SMTNL2: variants seen among roughly 807,000 people sequenced by gnomAD.
SMTNL2 encodes the protein smoothelin like 2, also known as smoothelin-like protein 2.
SMTNL2 carries 43 observed loss-of-function variants against 44.1 expected under a neutral mutation model. The observed-to-expected ratio is 0.98, with a 90% confidence interval of 0.76 to 1.26. The LOEUF (loss-of-function observed/expected upper bound fraction) is 1.26. Ranked by LOEUF, SMTNL2 falls within the 50% of genes most tolerant of loss-of-function variation. The probability of loss-of-function intolerance (pLI) is 0.00; values close to 1 mark genes in which losing one functional copy is unlikely to be tolerated. For missense variants in SMTNL2, 646 were observed against 670.2 expected (o/e 0.96, Z 0.40); for synonymous variants, 317 against 287.6 (o/e 1.10, Z -1.03).
chr17:4,600,966 A>G lies in SMTNL2; in HGVS notation c.1259+3643A>G, dbSNP rs1190510276. Among the ~76,000 whole-genome samples the G allele has an allele frequency of 6.6e-6, 1 of 152,208 alleles. No individual in the cohort carries two copies. The highest frequency in any genetic ancestry group is 1.5e-5 in the Non-Finnish European group (1 of 68,030). On this transcript the variant is annotated intron_variant, in intron 7 of 7. Transcript: ENST00000389313. This position sits in a 1 kb window ranked among gnomAD's most constrained non-coding sequence, Gnocchi z 4.7. ...GCATTTAGAGCAGGCTTAAAAAAAT[A>G]AAAATAACCCCCAAGCCCATCCTCC...
rs916256130 is a variant in SMTNL2 at position 4,600,793 on chromosome 17, C to G, written c.1259+3470C>G. On this transcript the variant is annotated intron_variant, in intron 7 of 7. Transcript: ENST00000389313. This position sits in a 1 kb window ranked among gnomAD's most constrained non-coding sequence, Gnocchi z 4.7. ...AGAGGCCCAGTGCAGGACGTGCAGC[C>G]CCAGGCTTCCCGCTTGCCCTGCGGG... Among the ~76,000 whole-genome samples, 4 of 152,176 alleles carry G rather than the reference C, an allele frequency of 2.6e-5. No homozygotes were observed. Among genetic ancestry groups the G allele is most frequent in the Admixed American group, 2.6e-4 (4 of 15,268 alleles).
chr17:4,585,046 G>T, intron 1 of SMTNL2, 42 bp downstream of exon 1: 1 of 1,295,150 alleles, frequency 7.7e-7, no homozygotes, highest in Non-Finnish European at 9.8e-7. Context: ...AGGGAGTGGG[G>T]CTCCGAACCG....
chr17:4,591,093 C>T (rs936688019), intron 1 of SMTNL2, among the ~76,000 whole-genome samples: 13 of 152,214 alleles, frequency 8.5e-5, no homozygotes, highest in Admixed American at 3.9e-4. Flanking sequence ...GAGAAGCCCT[C>T]CTTGCCCCAC....
rs372071316 is a variant in SMTNL2 at position 4,597,161 on chromosome 17, C to G, written c.1108-11C>G. ...TGCCCTCCCGCACTGACCCCACTCACCCTGTTGCAGCACGTGGACCTGCAG... is the reference window on the plus strand; with the variant it reads ...TGCCCTCCCGCACTGACCCCACTCAGCCTGTTGCAGCACGTGGACCTGCAG... On this transcript the variant is annotated splice_polypyrimidine_tract_variant and intron_variant, in intron 6 of 7. Coordinates refer to ENST00000389313, the MANE Select transcript of SMTNL2 (RefSeq NM_001114974.2). 37 of 1,611,840 alleles carry G rather than the reference C, an allele frequency of 2.3e-5. No homozygotes were observed. Among genetic ancestry groups the G allele is most frequent in the Non-Finnish European group, 2.9e-5 (34 of 1,179,078 alleles).
chr17:4,594,265 A>C (rs1170482807), intron 4 of SMTNL2, among the ~76,000 whole-genome samples: 1 of 152,130 alleles, frequency 6.6e-6, no homozygotes, highest in Non-Finnish European at 1.5e-5. Flanking sequence ...ACTGGCCAAC[A>C]TGGCAAAACG....
In SMTNL2 at chr17:4,595,161, C is replaced by T; in HGVS notation, c.823C>T (p.Pro275Ser). ...KHSNSPPLVTPPQSPVSPQPP... is the reference protein window; with the variant it reads ...KHSNSPPLVTSPQSPVSPQPP... ...TTTCCTCAGCCCACCGCTGGTGACA[C>T]CACCCCAGTCGCCCGTGTCCCCGCA... Residue 275 changes from proline to serine, a missense_variant, in exon 5 of 8, where the codon CCA (proline) becomes TCA (serine). Transcript: ENST00000389313. This position sits in a 1 kb window ranked among gnomAD's most constrained non-coding sequence, Gnocchi z 5.1. The T allele has an allele frequency of 6.2e-7, 1 of 1,613,210 alleles. No individual in the cohort carries two copies. Among genetic ancestry groups the T allele is most frequent in the South Asian group, 1.1e-5 (1 of 91,088 alleles).
chr17:4,584,992 C>A lies in SMTNL2; in HGVS notation c.387C>A (p.Ser129=). Residue 129 remains serine (S), a synonymous_variant, in exon 1 of 8, where the codon TCC becomes TCA. Transcript: ENST00000389313. ...CCAGCCACGCCACCTTCTCGCTGTC[C>A]GGCCGCGGCCAGGTGAGCCCGGGGG... ...RFASHATFSL[S]GRGQSLDHDE... The A allele has an allele frequency of 7.3e-7, 1 of 1,364,036 alleles. No individual in the cohort carries two copies. Among genetic ancestry groups the A allele is most frequent in the South Asian group, 1.7e-5 (1 of 59,462 alleles). The allele number at this position is 1,364,036 out of a possible 1,614,324, so 84.5% of individuals were successfully genotyped here.
At position 4,605,040 on chromosome 17, in the gene SMTNL2, C is replaced by T. The variant is rs889527480; in HGVS notation, c.1260-2321C>T. Reference sequence around the variant, plus strand: ...GCAATGGGAGGAGTCGGGGTTTGAACTCTACTGTTTTGATCTCACATTCAG... The same window carrying T: ...GCAATGGGAGGAGTCGGGGTTTGAATTCTACTGTTTTGATCTCACATTCAG... On this transcript the variant is annotated intron_variant, in intron 7 of 7. Transcript: ENST00000389313. 2.0e-5 allele frequency among the ~76,000 whole-genome samples: 3 copies of T among 151,880 alleles called. No homozygotes were observed. The South Asian group carries it at 6.2e-4, about 32-fold the overall frequency.
chr17:4,606,364 C>T (rs1286936720), intron 7 of SMTNL2, among the ~76,000 whole-genome samples: 17 of 151,780 alleles, frequency 1.1e-4, no homozygotes, highest in Non-Finnish European at 1.9e-4. Flanking sequence ...TCAGGTGACC[C>T]GCCTGCCTCG....
Position 4,601,476 on chromosome 17 carries a change from G to C in SMTNL2, c.1259+4153G>C, listed in dbSNP as rs548142708. Among the ~76,000 whole-genome samples the C allele has an allele frequency of 1.7e-3, 259 of 152,076 alleles. 2 individuals carry two copies. Among genetic ancestry groups the C allele is most frequent in the Middle Eastern group, 0.01 (3 of 294 alleles). On this transcript the variant is annotated intron_variant, in intron 7 of 7. Coordinates refer to ENST00000389313, the MANE Select transcript of SMTNL2 (RefSeq NM_001114974.2). Reference sequence around the variant, plus strand: ...TTCTTGCTATGGAATGGCATTTAAAGTGATTTTTACTTTCTCCTTTGAACT... The same window carrying C: ...TTCTTGCTATGGAATGGCATTTAAACTGATTTTTACTTTCTCCTTTGAACT...
In SMTNL2 at chr17:4,593,107, C is replaced by G. The variant is rs1240406430; in HGVS notation, c.666C>G (p.Ala222=). 7 of 1,613,656 alleles carry G rather than the reference C, an allele frequency of 4.3e-6. No individual in the cohort carries two copies. Among genetic ancestry groups the G allele is most frequent in the Non-Finnish European group, 5.1e-6 (6 of 1,179,888 alleles). Residue 222 remains alanine (A), a synonymous_variant, in exon 3 of 8, where the codon GCC becomes GCG. Transcript: ENST00000389313. ...SAAALSPMSA[A]TLGGLNPSPS... is the part of the protein sequence containing the mutation. ...CGGCTCTATCACCCATGTCTGCTGC[C>G]ACCCTGGGGGGCCTCAACCCAAGCC...
chr17:4,599,885 C>A (rs1340119889), intron 7 of SMTNL2, among the ~76,000 whole-genome samples: 1 of 152,218 alleles, frequency 6.6e-6, no homozygotes, highest in African/African-American at 2.4e-5. Context: ...CCGGAGCACA[C>A]AGCAGGGTAA....
chr17:4,606,701 T>C (rs1910292241), intron 7 of SMTNL2, among the ~76,000 whole-genome samples: 1 of 151,318 alleles, frequency 6.6e-6, no homozygotes, highest in African/African-American at 2.4e-5. Flanking sequence ...GGTCAGGAGA[T>C]CGAGACCAGC....
intron 7 of SMTNL2, 54 bp downstream of exon 7, chr17:4,597,377 A>C: frequency 1.9e-6 from 3 of 1,592,374 alleles, no homozygotes; most frequent in Non-Finnish European, 1.7e-6. Flanking sequence ...CCTGAGCCCA[A>C]CTTCTTCCCC....
rs141235426 is a variant in SMTNL2, at chr17:4,593,149, G to A, written c.708G>A (p.Thr236=). The A allele has an allele frequency of 1.7e-3, 2,763 of 1,607,964 alleles. 14 individuals are homozygous for A. Among genetic ancestry groups the A allele is most frequent in the Non-Finnish European group, 1.5e-3 (1,726 of 1,175,830 alleles). ...ACCCAAGCCCCAGCGAGGTCATCAC[G>A]CCCTGGACTCCCAGTCCTAGCGGTA... ...GLNPSPSEVI[T]PWTPSPSEKN... Residue 236 remains threonine (T), a synonymous_variant, in exon 3 of 8, where the codon ACG becomes ACA. Transcript: ENST00000389313.
chr17:4,607,463 C>T lies in SMTNL2; in HGVS notation c.1362C>T (p.Tyr454=). ...TCTTCACCTACGTCCAGTCGCTGTA[C>T]AACCACCTGCGTCGCTTCGAGTAAA... The part of the protein sequence containing the change: ...MCVFTYVQSL[Y]NHLRRFE The change falls in exon 8 of 8, where the codon TAC becomes TAT. Residue 454 remains tyrosine (Y), a synonymous_variant. Transcript: ENST00000389313. This position sits in a 1 kb window ranked among gnomAD's most constrained non-coding sequence, Gnocchi z 4.7. The T allele has an allele frequency of 6.2e-7, 1 of 1,614,202 alleles. No homozygotes were observed. Among genetic ancestry groups the T allele is most frequent in the Non-Finnish European group, 8.5e-7 (1 of 1,180,018 alleles).
intron 7 of SMTNL2, among the ~76,000 whole-genome samples, chr17:4,606,630 C>A (rs866210129): frequency 6.6e-6 from 1 of 151,172 alleles, no homozygotes; most frequent in African/African-American, 2.4e-5. Context: ...CTGGGCCGGG[C>A]GTGGTGTCTC....
intron 1 of SMTNL2, among the ~76,000 whole-genome samples, chr17:4,589,942 T>C (rs1909503946): frequency 6.6e-4 from 1 of 1,514 alleles, no homozygotes; most frequent in Non-Finnish European, 6.1e-3. Context: ...ACCTGGCTTT[T>C]TTTTTTTTTT....
In SMTNL2 at chr17:4,595,381, A is replaced by G; in HGVS notation, c.989+54A>G. 1 of 1,585,892 alleles carries G rather than the reference A, an allele frequency of 6.3e-7. No individual in the cohort carries two copies. Among genetic ancestry groups the G allele is most frequent in the Non-Finnish European group, 8.6e-7 (1 of 1,164,558 alleles). On this transcript the variant is annotated intron_variant, in intron 5 of 7. Coordinates refer to ENST00000389313, the MANE Select transcript of SMTNL2 (RefSeq NM_001114974.2). The surrounding 1 kb of genome is among the most constrained non-coding windows in gnomAD (Gnocchi z 5.1). ...GGCCCCACGGTGTGCCCAGACCCAG[A>G]CGGGGCTTGGGTGGGTGCAGCAGGG...
Sources: gnomAD v4.1 joint callset for allele counts (sites outside exome capture counted in the v4.1 genomes callset) on GRCh38, gnomAD v4.1.1 for gene constraint, Gnocchi (gnomAD v3.1) non-coding constraint, MANE v1.5 for transcripts, NCBI Gene and HGNC (gene_info 2026-07-23, HGNC 2026-07-21) for gene names.